The following SEC23B variants were observed in gnomAD, a reference collection of about 807,000 sequenced individuals.
SEC23B encodes protein transport protein Sec23B.
Under a neutral mutation model 104.3 loss-of-function variants are expected in SEC23B, and 77 were observed. The observed-to-expected ratio is 0.74, with a 90% CI of 0.61 to 0.89. SEC23B has a LOEUF of 0.89. SEC23B is among the 40% of genes least tolerant of loss of function. The pLI is 0.00. For missense variants in SEC23B, 885 were observed against 949.4 expected (o/e 0.93, Z 0.89); for synonymous variants, 338 against 332.5 (o/e 1.02, Z -0.18).
rs1363188063 is a variant in SEC23B, at chr20:18,542,926, A to G, written c.1512-93A>G. On this transcript the variant is annotated intron_variant, in intron 13 of 19. Transcript: ENST00000650089. ...AGTGTTGGGATTTCAGGAATGAGCC[A>G]CTGCACCTAGCCTGTGTTTCTTTTT... The G allele has an allele frequency of 2.0e-6, 3 of 1,511,484 alleles. No homozygotes were observed. The African/African-American group carries it at 4.1e-5, about 21-fold the overall frequency. The allele number at this position is 1,511,484 out of a possible 1,614,324, so 93.6% of individuals were successfully genotyped here.
At chr20:18,555,581 G>A (rs1469192804) in intron 19 of SEC23B, among the ~76,000 whole-genome samples, 1 of 151,578 alleles carries the variant, frequency 6.6e-6, no homozygotes, top group African/African-American at 2.4e-5. Flanking sequence ...CCCCAACCCC[G>A]CCTGATTACT....
intron 17 of SEC23B, among the ~76,000 whole-genome samples, chr20:18,553,456 C>T (rs894088534): frequency 6.6e-6 from 1 of 152,196 alleles, no homozygotes; most frequent in African/African-American, 2.4e-5. Flanking sequence ...TCTTCTTGTT[C>T]TCCTAAATAA....
At chr20:18,523,643 C>T (rs1381410943) in intron 4 of SEC23B, among the ~76,000 whole-genome samples, 1 of 151,408 alleles carries the variant, frequency 6.6e-6, no homozygotes, top group Non-Finnish European at 1.5e-5. Flanking sequence ...CCTCGTGATC[C>T]ACCTGTCTTG....
intron 12 of SEC23B, among the ~76,000 whole-genome samples, chr20:18,540,650 G>A (rs2060279242): frequency 2.0e-5 from 3 of 152,168 alleles, no homozygotes; most frequent in Admixed American, 2.0e-4. Context: ...GATCTCAGGA[G>A]CTCAAGACCA....
At chr20:18,542,914 C>T in intron 13 of SEC23B, 105 bp from the exon 14 acceptor site, 2 of 1,437,046 alleles carry the variant, frequency 1.4e-6, no homozygotes, top group Admixed American at 1.7e-5. Flanking sequence ...GTTGGGATTT[C>T]AGGAATGAGC....
At chr20:18,557,579 A>G (rs2060451160) in intron 19 of SEC23B, among the ~76,000 whole-genome samples, 1 of 152,154 alleles carries the variant, frequency 6.6e-6, no homozygotes, top group Non-Finnish European at 1.5e-5. Flanking sequence ...TTTCCTCTGC[A>G]TACATTTAGT....
At position 18,512,358 on chromosome 20, in the gene SEC23B, T is replaced by C. The variant is rs1284558278; in HGVS notation, c.279+76T>C. The C allele has an allele frequency of 4.1e-6, 4 of 976,906 alleles. No homozygotes were observed. In the Admixed American group the frequency reaches 7.7e-5, roughly 19 times the overall value. 60.5% of individuals were successfully genotyped at this position (976,906 alleles called of 1,614,324 possible). Reference sequence around the variant, plus strand: ...ATGAAAAAAATTAAGTTAGGTTGAATTTGTGTTTACACTGGCAGTGAGCAG... The same window carrying C: ...ATGAAAAAAATTAAGTTAGGTTGAACTTGTGTTTACACTGGCAGTGAGCAG... On this transcript the variant is annotated intron_variant, in intron 3 of 19. Coordinates refer to ENST00000650089, the MANE Select transcript of SEC23B (RefSeq NM_006363.6).
chr20:18,521,047 G>A (rs189305767), intron 4 of SEC23B, among the ~76,000 whole-genome samples: 36 of 152,238 alleles, frequency 2.4e-4, no homozygotes, highest in Admixed American at 1.8e-3. Context: ...CCAGATTTCC[G>A]GCACTTGAAG....
chr20:18,560,984 C>A lies in SEC23B; in HGVS notation c.*244C>A. Reference sequence around the variant, plus strand: ...TGTTTATGTGCTTTTTGTATCCTAACTTTTAGAATCTAAATAAAATCAGAG... The same window carrying A: ...TGTTTATGTGCTTTTTGTATCCTAAATTTTAGAATCTAAATAAAATCAGAG... On this transcript the variant is annotated 3_prime_UTR_variant, in exon 20 of 20. Transcript: ENST00000650089. 2.1e-6 allele frequency: 1 copy of A among 477,516 alleles called. No individual in the cohort carries two copies. The highest frequency in any genetic ancestry group is 4.0e-5 in the East Asian group (1 of 25,098). The allele number at this position is 477,516 out of a possible 1,614,324, so 29.6% of individuals were successfully genotyped here.
chr20:18,515,044 G>A (rs578046807), intron 3 of SEC23B, among the ~76,000 whole-genome samples: 6 of 152,254 alleles, frequency 3.9e-5, no homozygotes, highest in Admixed American at 3.3e-4. Context: ...TAGGCATGGT[G>A]GCTTATGCCT....
chr20:18,514,917 C>T (rs1261661421), intron 3 of SEC23B, among the ~76,000 whole-genome samples: 1 of 152,134 alleles, frequency 6.6e-6, no homozygotes, highest in South Asian at 2.1e-4. Flanking sequence ...AATAATAAAC[C>T]TAAATAAAGT....
At chr20:18,514,892 A>G (rs770190556) in intron 3 of SEC23B, among the ~76,000 whole-genome samples, 2 of 152,160 alleles carry the variant, frequency 1.3e-5, no homozygotes, top group Non-Finnish European at 2.9e-5. Context: ...GTATTACTTT[A>G]TTGATAATAG....
chr20:18,543,862 G>A (rs539519489), intron 14 of SEC23B, among the ~76,000 whole-genome samples: 1 of 152,194 alleles, frequency 6.6e-6, no homozygotes, highest in Non-Finnish European at 1.5e-5. Context: ...AGGGTGCCAG[G>A]GAAAGCTGTG....
intron 3 of SEC23B, among the ~76,000 whole-genome samples, chr20:18,513,510 T>A (rs752652139): frequency 6.6e-6 from 1 of 152,246 alleles, no homozygotes; most frequent in Non-Finnish European, 1.5e-5. Context: ...AGAAAAAATT[T>A]GTGTCCAGCA....
Position 18,527,506 on chromosome 20 carries a change from T to C in SEC23B, c.1004T>C (p.Met335Thr). ...TTCCTCTCTTCACAGCACTATGAGA[T>C]GCTTGCTAATCGAACAGCTGCAAAT... ...FMKKATKHYE[M>T]LANRTAANGH... Residue 335 changes from methionine (M) to threonine (T), a missense_variant, in exon 9 of 20, where the codon ATG (methionine) becomes ACG (threonine). Transcript: ENST00000650089. 6.2e-7 allele frequency: 1 copy of C among 1,602,170 alleles called. No individual in the cohort carries two copies. The highest frequency in any genetic ancestry group is 8.6e-7 in the Non-Finnish European group (1 of 1,168,966).
chr20:18,539,939 C>T (rs1186075708), intron 12 of SEC23B, among the ~76,000 whole-genome samples: 1 of 152,176 alleles, frequency 6.6e-6, no homozygotes, highest in Non-Finnish European at 1.5e-5. Flanking sequence ...CCACTATGCC[C>T]AGCTGAGGAT....
In SEC23B at chr20:18,524,076, T is replaced by C. The variant is rs550355429; in HGVS notation, c.367-357T>C. ...AACAGTTGACTCTGCCCTCTGCCTC[T>C]CCTCCTGGTGTTTGCAGTCCCCCTT... is the stretch of plus-strand genomic sequence containing the variant. On this transcript the variant is annotated intron_variant, in intron 4 of 19. Coordinates refer to ENST00000650089, the MANE Select transcript of SEC23B (RefSeq NM_006363.6). Among the ~76,000 whole-genome samples the C allele has an allele frequency of 9.2e-5, 14 of 152,280 alleles. No individual in the cohort carries two copies. The South Asian group carries it at 2.9e-3, about 32-fold the overall frequency.
At chr20:18,546,393 A>C (rs2060332295) in intron 15 of SEC23B, among the ~76,000 whole-genome samples, 1 of 152,004 alleles carries the variant, frequency 6.6e-6, no homozygotes, top group African/African-American at 2.4e-5. Flanking sequence ...TAACAAAACA[A>C]AACCACAGTT....
At chr20:18,537,620 A>T (rs1208687584) in intron 12 of SEC23B, among the ~76,000 whole-genome samples, 1 of 152,164 alleles carries the variant, frequency 6.6e-6, no homozygotes, top group Non-Finnish European at 1.5e-5. Flanking sequence ...TAACATTAGG[A>T]GATATAACTA....
Sources: allele counts gnomAD v4.1 joint callset (sites outside exome capture counted in the v4.1 genomes callset), GRCh38; gene constraint gnomAD v4.1.1; transcripts MANE v1.5; gene names NCBI Gene and HGNC (gene_info 2026-07-23, HGNC 2026-07-21).